GRM1: variants seen among roughly 807,000 people sequenced by gnomAD.
GRM1 encodes the protein glutamate metabotropic receptor 1.
A neutral mutation model predicts 90.9 loss-of-function variants in GRM1; 33 were observed. The observed-to-expected ratio is 0.36, with a 90% CI of 0.28 to 0.49. GRM1 has a LOEUF of 0.49. Among genes scored for constraint, GRM1 ranks in the 20% least tolerant of loss-of-function variants. The probability of loss-of-function intolerance (pLI) is 0.99; values close to 1 mark genes in which losing one functional copy is unlikely to be tolerated. For missense variants in GRM1, 1,190 were observed against 1,534.3 expected (o/e 0.78, Z 3.75); for synonymous variants, 700 against 613.2 (o/e 1.14, Z -2.09).
intron 7 of GRM1, among the ~76,000 whole-genome samples, chr6:146,422,942 G>A (rs1248942010): frequency 6.6e-6 from 1 of 151,112 alleles, no homozygotes; most frequent in African/African-American, 2.4e-5. Flanking sequence ...GAGAGGAGAG[G>A]GAAATGGAGG....
intron 2 of GRM1, among the ~76,000 whole-genome samples, chr6:146,269,277 T>C (rs550562940): frequency 4.6e-5 from 7 of 152,358 alleles, no homozygotes; most frequent in African/African-American, 9.6e-5. Context: ...CATGTTATAC[T>C]TGAATGAAAA....
At chr6:146,220,055 A>G (rs1421117237) in intron 2 of GRM1, among the ~76,000 whole-genome samples, 2 of 152,150 alleles carry the variant, frequency 1.3e-5, no homozygotes, top group African/African-American at 2.4e-5. Context: ...GTATATGGAT[A>G]TGTAGAATTA....
rs138888166 is a variant in GRM1 at position 146,414,813 on chromosome 6, TGAATGAAA to T, written c.2660+15116_2660+15123del. Among the ~76,000 whole-genome samples the T allele has an allele frequency of 2.2e-3, 333 of 152,372 alleles. 2 individuals are homozygous for T. The highest frequency in any genetic ancestry group is 7.8e-3 in the African/African-American group (323 of 41,580). On this transcript the variant is annotated intron_variant, in intron 7 of 7. Coordinates refer to ENST00000282753, the MANE Select transcript of GRM1 (RefSeq NM_001278064.2). ...TTCATTTCTTATTGGTATTTTCTGA[TGAATGAAA>T]GTTTTTAATTTTGATGAAGTCCAAT...
intron 4 of GRM1, among the ~76,000 whole-genome samples, chr6:146,357,146 G>GA (rs1197124004): frequency 6.7e-6 from 1 of 149,498 alleles, no homozygotes; most frequent in African/African-American, 2.4e-5. Context: ...AACTTAATGT[G>GA]AAAAAGAAAT....
chr6:146,045,749 C>CAAAAAAAAAAAAA (rs58055832), intron 1 of GRM1, among the ~76,000 whole-genome samples: 1 of 87,404 alleles, frequency 1.1e-5, no homozygotes, highest in Non-Finnish European at 2.2e-5. Flanking sequence ...TGGAATACAG[C>CAAAAAAAAAAAAA]AAAAAAAAAA....
intron 2 of GRM1, among the ~76,000 whole-genome samples, chr6:146,205,137 G>T (rs1779449969): frequency 6.6e-6 from 1 of 152,086 alleles, no homozygotes; most frequent in East Asian, 1.9e-4. Context: ...ATAGTTTGGG[G>T]TTCAATTGAG....
At chr6:146,354,235 G>C (rs531645209) in intron 4 of GRM1, among the ~76,000 whole-genome samples, 1 of 152,304 alleles carries the variant, frequency 6.6e-6, no homozygotes, top group Non-Finnish European at 1.5e-5. Flanking sequence ...CATGTGAAAA[G>C]CTTCGAGGAA....
rs1384352689 is a variant in GRM1, at chr6:146,029,695, G to C, written c.178G>C (p.Glu60Gln). 1 of 1,614,008 alleles carries C rather than the reference G, an allele frequency of 6.2e-7. No homozygotes were observed. Among genetic ancestry groups the C allele is most frequent in the Non-Finnish European group, 8.5e-7 (1 of 1,180,040 alleles). The change falls in exon 1 of 8, where the codon GAG becomes CAG. Residue 60 changes from glutamate to glutamine, a missense_variant. Physicochemically the swap from Glu to Gln is conservative, Grantham distance 29. Coordinates refer to ENST00000282753, the MANE Select transcript of GRM1 (RefSeq NM_001278064.2). ...CTCAGTCCATCACCAGCCTCCGGCC[G>C]AGAAAGTGCCCGAGAGGAAGTGTGG... is the stretch of plus-strand genomic sequence containing the variant. The part of the protein sequence containing the change: ...LFSVHHQPPA[E>Q]KVPERKCGEI...
chr6:146,294,140 CTTTTCTA>C (rs1488684035), intron 2 of GRM1, among the ~76,000 whole-genome samples: 1 of 151,298 alleles, frequency 6.6e-6, no homozygotes, highest in Non-Finnish European at 1.5e-5. Flanking sequence ...ATTCTGTGTT[CTTTTCTA>C]TTTTCTTAAG....
chr6:146,114,896 T>G (rs1378863664), intron 1 of GRM1, among the ~76,000 whole-genome samples: 2 of 152,150 alleles, frequency 1.3e-5, no homozygotes, highest in African/African-American at 4.8e-5. Flanking sequence ...AGATGTTTAG[T>G]GTTCAAGTTT....
intron 1 of GRM1, among the ~76,000 whole-genome samples, chr6:146,141,961 G>C (rs1394709471): frequency 6.6e-6 from 1 of 152,142 alleles, no homozygotes; most frequent in Non-Finnish European, 1.5e-5. Context: ...TTTGTTGGTG[G>C]CTGGATATTG....
chr6:146,256,155 G>A (rs1012805796), intron 2 of GRM1, among the ~76,000 whole-genome samples: 1 of 152,162 alleles, frequency 6.6e-6, no homozygotes, highest in African/African-American at 2.4e-5. Context: ...GCCACTGTGA[G>A]CTATGCCATC....
intron 1 of GRM1, among the ~76,000 whole-genome samples, chr6:146,096,568 G>T (rs1047742680): frequency 6.6e-6 from 1 of 152,156 alleles, no homozygotes; most frequent in African/African-American, 2.4e-5. Flanking sequence ...TTAATCTCAT[G>T]AACTTAATCA....
At chr6:146,072,393 C>A (rs984109531) in intron 1 of GRM1, among the ~76,000 whole-genome samples, 12 of 152,178 alleles carry the variant, frequency 7.9e-5, no homozygotes, top group African/African-American at 2.9e-4. Context: ...TCTATAATAT[C>A]CTGCACTAAA....
intron 3 of GRM1, among the ~76,000 whole-genome samples, chr6:146,317,263 G>A (rs181101934): frequency 2.8e-4 from 42 of 152,292 alleles, no homozygotes; most frequent in Admixed American, 9.1e-4. Context: ...TTAAGAGTTC[G>A]AAATAAAAAT....
chr6:146,073,325 A>G (rs1417795073), intron 1 of GRM1, among the ~76,000 whole-genome samples: 4 of 152,124 alleles, frequency 2.6e-5, no homozygotes, highest in African/African-American at 9.7e-5. Flanking sequence ...GTGGGTTAGA[A>G]CACACATAGT....
intron 5 of GRM1, among the ~76,000 whole-genome samples, chr6:146,370,479 A>T (rs1416959965): frequency 2.6e-5 from 4 of 152,116 alleles, no homozygotes; most frequent in Admixed American, 2.0e-4. Flanking sequence ...AACTGAATAA[A>T]TATCTCTTCA....
intron 3 of GRM1, among the ~76,000 whole-genome samples, chr6:146,310,379 G>A (rs1350823113): frequency 6.6e-6 from 1 of 152,176 alleles, no homozygotes; most frequent in Non-Finnish European, 1.5e-5. Context: ...ATGGGTTCCA[G>A]TTTACTTCAG....
At chr6:146,425,516 T>A (rs1231227449) in intron 7 of GRM1, among the ~76,000 whole-genome samples, 17 of 136,992 alleles carry the variant, frequency 1.2e-4, no homozygotes. Context: ...CTCTTCCAGG[T>A]TACCCTGGAC....
Sources: allele counts gnomAD v4.1 joint callset (sites outside exome capture counted in the v4.1 genomes callset), GRCh38; gene constraint gnomAD v4.1.1; transcripts MANE v1.5; gene names NCBI Gene and HGNC (gene_info 2026-07-23, HGNC 2026-07-21).